Variants in MAF observed in about 807,000 individuals in gnomAD.
MAF encodes the protein MAF bZIP transcription factor, also known as transcription factor Maf.
In MAF, 10 loss-of-function variants were observed where a neutral mutation model predicts 22.0. The observed-to-expected ratio is 0.45, with a 90% CI of 0.28 to 0.77. The LOEUF (loss-of-function observed/expected upper bound fraction) is 0.77, where lower values mean the gene tolerates loss of function less well. MAF is among the 30% of genes least tolerant of loss of function. The pLI, the probability that MAF is intolerant of heterozygous loss-of-function variation, is 0.12. For synonymous variants in MAF, 337 were observed against 255.8 expected (o/e 1.32, Z -3.03); for missense variants, 544 against 548.4 (o/e 0.99, Z 0.08).
the MAF span, among the ~76,000 whole-genome samples, chr16:79,407,646 A>G: frequency 6.6e-6 from 1 of 152,176 alleles, no homozygotes; most frequent in African/African-American, 2.4e-5. Context: ...TAATCTCAGA[A>G]GCACATCATA....
At chr16:79,468,822 C>T in the MAF span, among the ~76,000 whole-genome samples, 53 of 152,142 alleles carry the variant, frequency 3.5e-4, no homozygotes, top group Non-Finnish European at 7.2e-4. Context: ...ATAAATCACC[C>T]GGGCTATTCT....
chr16:79,362,367 T>C, the MAF span, among the ~76,000 whole-genome samples: 1 of 152,204 alleles, frequency 6.6e-6, no homozygotes, highest in Non-Finnish European at 1.5e-5. Flanking sequence ...GCCTTGAATA[T>C]ACGAGTTACC....
the MAF span, among the ~76,000 whole-genome samples, chr16:79,465,871 C>T: frequency 2.2e-3 from 342 of 152,188 alleles, 2 homozygotes; most frequent in Non-Finnish European, 2.5e-4. Flanking sequence ...GGGAAAAGTG[C>T]CTAATATATG....
the MAF span, among the ~76,000 whole-genome samples, chr16:79,544,865 G>A: frequency 1.3e-5 from 2 of 151,732 alleles, no homozygotes; most frequent in Non-Finnish European, 1.5e-5. Context: ...ATTCATTCAT[G>A]TTTGGTAAAA....
At chr16:79,403,788 G>T in the MAF span, among the ~76,000 whole-genome samples, 1 of 152,136 alleles carries the variant, frequency 6.6e-6, no homozygotes, top group Non-Finnish European at 1.5e-5. Flanking sequence ...TAAATAAGAG[G>T]GTGGCTCAAC....
the MAF span, among the ~76,000 whole-genome samples, chr16:79,270,577 G>A: frequency 3.3e-5 from 5 of 152,192 alleles, no homozygotes; most frequent in Admixed American, 6.5e-5. Context: ...CCCCATCATT[G>A]CTTAGGTAGG....
the MAF span, among the ~76,000 whole-genome samples, chr16:79,292,177 A>G: frequency 1.3e-5 from 2 of 152,194 alleles, no homozygotes; most frequent in Non-Finnish European, 2.9e-5. Flanking sequence ...AACCATTGGT[A>G]GCTGTGCATG....
the MAF span, among the ~76,000 whole-genome samples, chr16:79,357,710 A>G: frequency 2.6e-5 from 4 of 152,022 alleles, no homozygotes. Context: ...TGGTTACTAG[A>G]TGCTGCCCAG....
At chr16:79,506,910 C>G in the MAF span, among the ~76,000 whole-genome samples, 3 of 152,032 alleles carry the variant, frequency 2.0e-5, no homozygotes, top group African/African-American at 7.2e-5. Flanking sequence ...GGGTTGAAAC[C>G]AAAGAAATGC....
At chr16:79,355,700 A>G in the MAF span, among the ~76,000 whole-genome samples, 2 of 152,216 alleles carry the variant, frequency 1.3e-5, no homozygotes, top group African/African-American at 4.8e-5. Flanking sequence ...GAAATGTGGT[A>G]CAAAAAGAAA....
the MAF span, among the ~76,000 whole-genome samples, chr16:79,356,543 G>A: frequency 6.6e-6 from 1 of 152,152 alleles, no homozygotes; most frequent in South Asian, 2.1e-4. Context: ...GCCTGGAGCT[G>A]TATTCCCTGA....
the MAF span, among the ~76,000 whole-genome samples, chr16:79,277,057 G>T: frequency 1.3e-5 from 2 of 151,706 alleles, no homozygotes; most frequent in African/African-American, 2.4e-5. Flanking sequence ...ATTGTTTTTT[G>T]AGTCCGGTCT....
At chr16:79,529,645 T>A in the MAF span, among the ~76,000 whole-genome samples, 1 of 152,152 alleles carries the variant, frequency 6.6e-6, no homozygotes, top group Non-Finnish European at 1.5e-5. Flanking sequence ...TAGTTGGAAG[T>A]ATGGATACAA....
chr16:79,521,592 C>T, the MAF span, among the ~76,000 whole-genome samples: 1 of 152,272 alleles, frequency 6.6e-6, no homozygotes, highest in Admixed American at 6.5e-5. Flanking sequence ...TAGTCAACAT[C>T]TCTTAGAAGA....
chr16:79,525,154 C>T, the MAF span, among the ~76,000 whole-genome samples: 5 of 152,076 alleles, frequency 3.3e-5, no homozygotes, highest in African/African-American at 4.8e-5. Context: ...TACAAAGCCC[C>T]GGATTTCATC....
the MAF span, among the ~76,000 whole-genome samples, chr16:79,413,226 T>G: frequency 4.3e-5 from 1 of 23,458 alleles, no homozygotes; most frequent in African/African-American, 1.6e-4. Flanking sequence ...TTTTTTTTTT[T>G]TTTTTTTTTT....
chr16:79,552,707 G>A, the MAF span, among the ~76,000 whole-genome samples: 1 of 152,110 alleles, frequency 6.6e-6, no homozygotes, highest in Non-Finnish European at 1.5e-5. Context: ...GGCCTTGCTG[G>A]GCAGCTGGTT....
chr16:79,225,284 G>C, the MAF span, among the ~76,000 whole-genome samples: 13 of 152,254 alleles, frequency 8.5e-5, no homozygotes, highest in East Asian at 2.5e-3. Context: ...TTTGATAAAT[G>C]GTGTTGAGAA....
the MAF span, among the ~76,000 whole-genome samples, chr16:79,380,752 T>G: frequency 6.6e-6 from 1 of 152,212 alleles, no homozygotes; most frequent in Non-Finnish European, 1.5e-5. Context: ...AGAGCTAGTA[T>G]AATAAATGGC....
Sources: allele counts gnomAD v4.1 joint callset (sites outside exome capture counted in the v4.1 genomes callset), GRCh38; gene constraint gnomAD v4.1.1; transcripts MANE v1.5; gene names NCBI Gene and HGNC (gene_info 2026-07-23, HGNC 2026-07-21).